The following ZNF749 variants were observed in gnomAD, a reference collection of about 807,000 sequenced individuals.
ZNF749 encodes zinc finger protein 749.
A neutral mutation model predicts 7.3 loss-of-function variants in ZNF749; 8 were observed. The ratio of observed to expected loss-of-function variants is 1.10; its 90% CI spans 0.64 to 1.98. The LOEUF (loss-of-function observed/expected upper bound fraction) is 1.98, where lower values mean the gene tolerates loss of function less well. Among genes scored for constraint, ZNF749 ranks in the 30% most tolerant of loss-of-function variants. ZNF749 has a pLI of 0.00. For missense variants in ZNF749, 898 were observed against 932.4 expected, an observed-to-expected ratio of 0.96 and a Z score of 0.48; for synonymous variants, 310 against 322.4, an observed-to-expected ratio of 0.96 and a Z score of 0.41.
chr19:57,444,057 T>C lies in ZNF749; in HGVS notation c.909T>C (p.Cys303=). The C allele has an allele frequency of 5.6e-6, 9 of 1,613,972 alleles. No homozygotes were observed. The highest frequency in any genetic ancestry group is 6.8e-6 in the Non-Finnish European group (8 of 1,179,900). The change falls in exon 3 of 3, where the codon TGT becomes TGC. Residue 303 remains cysteine, a synonymous_variant. Transcript: ENST00000334181. ...CAACACCTTATGAATGCACCCAGTG[T>C]GGGAAGGCCTTTCTTACACAGGCTC... The part of the protein sequence containing the change: ...SRPTPYECTQ[C]GKAFLTQAHL...
chr19:57,444,068 T>G lies in ZNF749; in HGVS notation c.920T>G (p.Phe307Cys). The G allele has an allele frequency of 1.9e-6, 3 of 1,614,004 alleles. No homozygotes were observed. The highest frequency in any genetic ancestry group is 2.5e-6 in the Non-Finnish European group (3 of 1,179,910). ...PYECTQCGKA[F>C]LTQAHLVGHQ... Reference sequence around the variant, plus strand: ...GAATGCACCCAGTGTGGGAAGGCCTTTCTTACACAGGCTCATCTGGTTGGT... The same window carrying G: ...GAATGCACCCAGTGTGGGAAGGCCTGTCTTACACAGGCTCATCTGGTTGGT... The change falls in exon 3 of 3, where the codon TTT (phenylalanine) becomes TGT (cysteine). Residue 307 changes from phenylalanine (F) to cysteine (C), a missense_variant. Coordinates refer to ENST00000334181, the MANE Select transcript of ZNF749 (RefSeq NM_001023561.4).
In ZNF749 at chr19:57,436,691, A is replaced by T. The variant is rs1273990244; in HGVS notation, c.15+1098A>T. Among the ~76,000 whole-genome samples, 1 of 152,214 alleles carries T rather than the reference A, an allele frequency of 6.6e-6. No homozygotes were observed. Among genetic ancestry groups the T allele is most frequent in the Non-Finnish European group, 1.5e-5 (1 of 68,036 alleles). On this transcript the variant is annotated intron_variant, in intron 1 of 2. Transcript: ENST00000334181. The surrounding 1 kb of genome is among the most constrained non-coding windows in gnomAD (Gnocchi z 4.0). ...TGGGCAGGGCTTTCTCACATCCTCC[A>T]CCACAGTTAAGGGCCTCCAGCAAGC...
At chr19:57,431,776 T>TC (rs1304743753), upstream of ZNF749, among the ~76,000 whole-genome samples, 4 of 152,084 alleles carry the variant, frequency 2.6e-5, no homozygotes, top group African/African-American at 9.7e-5. Context: ...AAACCCTTGG[T>TC]CTGTGATATT....
rs747855971 is a variant in ZNF749, at chr19:57,444,939, C to T, written c.1791C>T (p.Tyr597=). 2.5e-6 allele frequency: 4 copies of T among 1,612,308 alleles called. No homozygotes were observed. Among genetic ancestry groups the T allele is most frequent in the Non-Finnish European group, 3.4e-6 (4 of 1,179,536 alleles). ...NECGKFFLDS[Y]KLVIHQRIHT... ...GTGGGAAATTCTTTTTGGACAGCTACAAACTTGTTATTCATCAGAGAATTC... is the reference window on the plus strand; with the variant it reads ...GTGGGAAATTCTTTTTGGACAGCTATAAACTTGTTATTCATCAGAGAATTC... Residue 597 remains tyrosine, a synonymous_variant, in exon 3 of 3, where the codon TAC becomes TAT. Coordinates refer to ENST00000334181, the MANE Select transcript of ZNF749 (RefSeq NM_001023561.4).
chr19:57,433,423 A>G (rs2088909040), upstream of ZNF749, among the ~76,000 whole-genome samples: 1 of 151,912 alleles, frequency 6.6e-6, no homozygotes, highest in Non-Finnish European at 1.5e-5. Flanking sequence ...GTCAGAGTCA[A>G]TTTTTATATT....
chr19:57,435,809 T>A (rs2088930051), intron 1 of ZNF749: 3 of 993,082 alleles, frequency 3.0e-6, no homozygotes, highest in African/African-American at 3.3e-5. Context: ...CGGGCGGCAC[T>A]GGGGAGCCCG....
rs2089018900 is a variant in ZNF749 at position 57,443,624 on chromosome 19, A to G, written c.476A>G (p.Lys159Arg). ...AACTTCACATGCACGCAGGGTGGCAAGGATTTTACTGCCAGCTCAGACCTT... is the reference window on the plus strand; with the variant it reads ...AACTTCACATGCACGCAGGGTGGCAGGGATTTTACTGCCAGCTCAGACCTT... ...ERNFTCTQGG[K>R]DFTASSDLLQ... The change falls in exon 3 of 3, where the codon AAG becomes AGG. Residue 159 changes from lysine (K) to arginine (R), a missense_variant. Physicochemically the swap from Lys to Arg is conservative, Grantham distance 26. Transcript: ENST00000334181. 1.2e-6 allele frequency: 2 copies of G among 1,614,112 alleles called. No homozygotes were observed. Among genetic ancestry groups the G allele is most frequent in the South Asian group, 1.1e-5 (1 of 91,092 alleles).
rs1355159579 is a variant in ZNF749, at chr19:57,446,329, G to A, written c.*844G>A. ...GGTGGGACAGTTTTATTCTGAAACT[G>A]TCTGCCCCCTCCTCTGTCCCTGATG... On this transcript the variant is annotated 3_prime_UTR_variant, in exon 3 of 3. Coordinates refer to ENST00000334181, the MANE Select transcript of ZNF749 (RefSeq NM_001023561.4). Among the ~76,000 whole-genome samples, 1 of 152,136 alleles carries A rather than the reference G, an allele frequency of 6.6e-6. No homozygotes were observed. The highest frequency in any genetic ancestry group is 1.5e-5 in the Non-Finnish European group (1 of 68,032).
At chr19:57,433,618 C>CT (rs1173115391), upstream of ZNF749, among the ~76,000 whole-genome samples, 790 of 136,232 alleles carry the variant, frequency 5.8e-3, 8 homozygotes, top group African/African-American at 0.011. Flanking sequence ...TTAATTTTTC[C>CT]TTTTTTTTTT....
chr19:57,433,907 C>T (rs2088912019), upstream of ZNF749, among the ~76,000 whole-genome samples: 1 of 151,938 alleles, frequency 6.6e-6, no homozygotes, highest in African/African-American at 2.4e-5. Flanking sequence ...CTCTAAATGC[C>T]GACTTTTTGT....
upstream of ZNF749, among the ~76,000 whole-genome samples, chr19:57,434,141 G>A (rs1015133315): frequency 3.3e-5 from 5 of 151,984 alleles, no homozygotes; most frequent in East Asian, 5.8e-4. Flanking sequence ...CTTGTTGCAC[G>A]GGCTGGAGTA....
upstream of ZNF749, among the ~76,000 whole-genome samples, chr19:57,434,919 C>T (rs563661255): frequency 1.4e-4 from 21 of 152,324 alleles, no homozygotes; most frequent in Non-Finnish European, 2.5e-4. Flanking sequence ...TCAGCCATGT[C>T]GCTTCTGATG....
chr19:57,440,820 A>G (rs2088980026), intron 1 of ZNF749, among the ~76,000 whole-genome samples: 2 of 152,146 alleles, frequency 1.3e-5, no homozygotes, highest in East Asian at 3.9e-4. Flanking sequence ...CCCCAAGGAA[A>G]TGGGGTGACA....
chr19:57,433,280 GC>G (rs1249130527), upstream of ZNF749, among the ~76,000 whole-genome samples: 1 of 152,170 alleles, frequency 6.6e-6, no homozygotes, highest in Non-Finnish European at 1.5e-5. Flanking sequence ...TCATGTCTTA[GC>G]CATTTTAAGC....
chr19:57,443,772 A>C lies in ZNF749; in HGVS notation c.624A>C (p.Gln208His). 1 of 1,614,230 alleles carries C rather than the reference A, an allele frequency of 6.2e-7. No individual in the cohort carries two copies. The highest frequency in any genetic ancestry group is 8.5e-7 in the Non-Finnish European group (1 of 1,180,044). Residue 208 changes from glutamine to histidine, a missense_variant, in exon 3 of 3, where the codon CAA (glutamine) becomes CAC (histidine). Coordinates refer to ENST00000334181, the MANE Select transcript of ZNF749 (RefSeq NM_001023561.4). ...SSQGGKDFCH[Q>H]HGLFEHQKTH... Reference sequence around the variant, plus strand: ...AAGGTGGGAAAGACTTTTGCCACCAACATGGGCTGTTTGAGCACCAAAAAA... The same window carrying C: ...AAGGTGGGAAAGACTTTTGCCACCACCATGGGCTGTTTGAGCACCAAAAAA...
chr19:57,429,643 G>A, the ZNF749 span, among the ~76,000 whole-genome samples: 1 of 151,946 alleles, frequency 6.6e-6, no homozygotes, highest in African/African-American at 2.4e-5. The surrounding 1 kb of genome is among the most constrained non-coding windows in gnomAD (Gnocchi z 4.2). Flanking sequence ...CATGCCTGGT[G>A]AATTTTTTTT....
At chr19:57,432,932 T>G (rs2088906346), upstream of ZNF749, among the ~76,000 whole-genome samples, 1 of 152,126 alleles carries the variant, frequency 6.6e-6, no homozygotes, top group Admixed American at 6.6e-5. Flanking sequence ...TGGAAATAAA[T>G]GAAGACCCAA....
chr19:57,437,868 C>T (rs552674868), intron 1 of ZNF749: 122 of 391,110 alleles, frequency 3.1e-4, no homozygotes, highest in African/African-American at 2.3e-3. Flanking sequence ...CAATATGAGC[C>T]CTGTGAAGTG....
chr19:57,437,414 T>A (rs1403851780), intron 1 of ZNF749, among the ~76,000 whole-genome samples: 10 of 152,166 alleles, frequency 6.6e-5, no homozygotes, highest in African/African-American at 2.4e-4. Context: ...TATATATATA[T>A]CACATTTCCT....
Sources: gnomAD v4.1 joint callset for allele counts (sites outside exome capture counted in the v4.1 genomes callset) on GRCh38, gnomAD v4.1.1 for gene constraint, Gnocchi (gnomAD v3.1) non-coding constraint, MANE v1.5 for transcripts, NCBI Gene and HGNC (gene_info 2026-07-23, HGNC 2026-07-21) for gene names.